The following DLG2 variants were observed in gnomAD, a reference collection of about 807,000 sequenced individuals.
DLG2 encodes disks large homolog 2.
Under a neutral mutation model 132.5 loss-of-function variants are expected in DLG2, and 45 were observed. The ratio of observed to expected loss-of-function variants is 0.34; its 90% CI spans 0.27 to 0.44. The LOEUF (loss-of-function observed/expected upper bound fraction) is 0.44, where lower values mean the gene tolerates loss of function less well. DLG2 is among the 20% of genes least tolerant of loss of function. DLG2 has a pLI of 1.00. For missense variants in DLG2, 1,045 were observed against 1,196.9 expected (o/e 0.87, Z 1.87); for synonymous variants, 424 against 419.6 (o/e 1.01, Z -0.13).
At chr11:85,294,056 A>G (rs2079072973) in intron 3 of DLG2, among the ~76,000 whole-genome samples, 1 of 152,112 alleles carries the variant, frequency 6.6e-6, no homozygotes. Context: ...AGCCTGGTCA[A>G]CATGATGAGA....
At chr11:84,402,025 A>G (rs1054871117) in intron 7 of DLG2, among the ~76,000 whole-genome samples, 1 of 152,204 alleles carries the variant, frequency 6.6e-6, no homozygotes, top group Non-Finnish European at 1.5e-5. Flanking sequence ...TATGTTTTTA[A>G]TGTCAAAAAT....
At chr11:85,336,809 C>A (rs2082164788) in intron 3 of DLG2, among the ~76,000 whole-genome samples, 1 of 152,178 alleles carries the variant, frequency 6.6e-6, no homozygotes, top group Non-Finnish European at 1.5e-5. Context: ...ACTTTCACTT[C>A]ATTAGTATTC....
intron 18 of DLG2, among the ~76,000 whole-genome samples, chr11:83,714,060 T>C (rs751316556): frequency 9.2e-5 from 14 of 152,188 alleles, no homozygotes; most frequent in African/African-American, 3.1e-4. Context: ...AAGGGTCACA[T>C]ACATAAAACA....
chr11:83,970,731 G>A (rs1400003782), intron 12 of DLG2, among the ~76,000 whole-genome samples: 1 of 152,086 alleles, frequency 6.6e-6, no homozygotes, highest in Non-Finnish European at 1.5e-5. Flanking sequence ...AAAGTGACAG[G>A]CACAATACAG....
intron 8 of DLG2, 22 bp downstream of exon 8, chr11:84,251,216 T>C (rs1322677843): frequency 6.7e-7 from 1 of 1,494,704 alleles, no homozygotes; most frequent in Non-Finnish European, 9.1e-7. Context: ...TAAAAGAAGG[T>C]AGTAATGAAA....
chr11:84,747,826 T>G (rs1189128623), intron 6 of DLG2, among the ~76,000 whole-genome samples: 1 of 152,190 alleles, frequency 6.6e-6, no homozygotes, highest in Non-Finnish European at 1.5e-5. Context: ...GGTTTTTGAT[T>G]GAACACATGA....
At chr11:83,723,334 C>T (rs1392316743) in intron 18 of DLG2, among the ~76,000 whole-genome samples, 1 of 151,950 alleles carries the variant, frequency 6.6e-6, no homozygotes, top group African/African-American at 2.4e-5. Flanking sequence ...GAGCTGACAT[C>T]GCACCACTGC....
chr11:84,671,255 T>G (rs1263233437), intron 6 of DLG2, among the ~76,000 whole-genome samples: 1 of 152,084 alleles, frequency 6.6e-6, no homozygotes, highest in African/African-American at 2.4e-5. Context: ...CATGCCACCA[T>G]GCCCGGCTTA....
chr11:84,733,909 T>G (rs924314591), intron 6 of DLG2, among the ~76,000 whole-genome samples: 2 of 152,124 alleles, frequency 1.3e-5, no homozygotes, highest in African/African-American at 2.4e-5. Flanking sequence ...TTTCCCCATT[T>G]CTTGTTTTTG....
intron 6 of DLG2, chr11:84,762,058 G>A (rs1376243872): frequency 6.6e-6 from 1 of 151,138 alleles, no homozygotes; most frequent in African/African-American, 2.4e-5. Context: ...AGCTGGGTTT[G>A]TTACTTTGAA....
chr11:83,530,350 T>C (rs1458588634), intron 21 of DLG2, among the ~76,000 whole-genome samples: 2 of 152,044 alleles, frequency 1.3e-5, no homozygotes, highest in African/African-American at 2.4e-5. Context: ...TCCCTTATGA[T>C]TCTAGAAATA....
chr11:84,757,419 C>T (rs1423628671), intron 6 of DLG2, among the ~76,000 whole-genome samples: 2 of 152,066 alleles, frequency 1.3e-5, no homozygotes, highest in African/African-American at 4.8e-5. Context: ...AATTTAAACA[C>T]ACACACACAC....
chr11:84,540,837 T>C (rs552101025), intron 6 of DLG2, among the ~76,000 whole-genome samples: 119 of 152,252 alleles, frequency 7.8e-4, no homozygotes, highest in African/African-American at 2.7e-3. Flanking sequence ...GTGGCACATA[T>C]ACACCATGGA....
intron 3 of DLG2, among the ~76,000 whole-genome samples, chr11:85,332,527 T>A (rs745938772): frequency 6.6e-6 from 1 of 152,120 alleles, no homozygotes; most frequent in Non-Finnish European, 1.5e-5. Context: ...CATCATGAAA[T>A]GCCAGAGCTG....
chr11:85,351,550 T>A (rs540325950), intron 3 of DLG2, among the ~76,000 whole-genome samples: 1 of 152,360 alleles, frequency 6.6e-6, no homozygotes, highest in African/African-American at 2.4e-5. Flanking sequence ...TGTGGGTTTG[T>A]CATAAATAGC....
chr11:84,997,366 C>T (rs2057755167), intron 6 of DLG2: 1 of 152,154 alleles, frequency 6.6e-6, no homozygotes, highest in South Asian at 2.1e-4. Flanking sequence ...ATTGTTATAT[C>T]TCTAGGCACC....
chr11:84,501,803 G>A (rs1039593750), intron 7 of DLG2, among the ~76,000 whole-genome samples: 5 of 152,066 alleles, frequency 3.3e-5, no homozygotes, highest in Admixed American at 6.5e-5. Flanking sequence ...ATCTGATCAA[G>A]CCACCAAAAG....
At chr11:85,498,723 A>T (rs2093725773) in intron 3 of DLG2, among the ~76,000 whole-genome samples, 1 of 152,182 alleles carries the variant, frequency 6.6e-6, no homozygotes, top group Admixed American at 6.5e-5. Flanking sequence ...GAATCACAAC[A>T]AACTGTCTCT....
intron 6 of DLG2, among the ~76,000 whole-genome samples, chr11:84,704,463 A>G (rs536447947): frequency 8.3e-4 from 126 of 151,672 alleles, no homozygotes; most frequent in African/African-American, 3.0e-3. Flanking sequence ...TTTCTCATTA[A>G]TATAATGGGA....
Sources: gnomAD v4.1 joint callset for allele counts (sites outside exome capture counted in the v4.1 genomes callset) on GRCh38, gnomAD v4.1.1 for gene constraint, MANE v1.5 for transcripts, NCBI Gene and HGNC (gene_info 2026-07-23, HGNC 2026-07-21) for gene names.